The following ME3 variants were observed in gnomAD, a reference collection of about 807,000 sequenced individuals.
The protein encoded by ME3 is NADP-dependent malic enzyme, mitochondrial.
ME3 carries 48 observed loss-of-function variants against 68.9 expected under a neutral mutation model. The observed-to-expected ratio is 0.70, with a 90% CI of 0.55 to 0.89. The LOEUF is 0.89. ME3 is among the 40% of genes least tolerant of loss of function. ME3 has a pLI of 0.00. For missense variants in ME3, 675 were observed against 797.4 expected, an observed-to-expected ratio of 0.85 and a Z score of 1.85; for synonymous variants, 320 against 318.8, an observed-to-expected ratio of 1.00 and a Z score of -0.04.
rs1333670032 is a variant in ME3, at chr11:86,496,587, ATACT to A, written c.705+1372_705+1375del. Among the ~76,000 whole-genome samples, 4 of 152,304 alleles carry A rather than the reference ATACT, an allele frequency of 2.6e-5. No individual in the cohort carries two copies. In the East Asian group the frequency reaches 5.8e-4, roughly 22 times the overall value. ...CAAAATGACCATTCCTTTTGCTTCA[ATACT>A]TACTTCTAGAAATTTATCCTAAGGA... is the stretch of plus-strand genomic sequence containing the variant. On this transcript the variant is annotated intron_variant, in intron 6 of 14. Coordinates refer to ENST00000543262, the Ensembl canonical transcript of ME3.
intron 4 of ME3, among the ~76,000 whole-genome samples, chr11:86,541,557 A>G (rs1341219621): frequency 6.6e-6 from 1 of 152,198 alleles, no homozygotes; most frequent in African/African-American, 2.4e-5. Flanking sequence ...GGAGACCACT[A>G]CAGTACCACA....
chr11:86,633,742 C>T (rs1421584013), intron 2 of ME3, among the ~76,000 whole-genome samples: 1 of 152,224 alleles, frequency 6.6e-6, no homozygotes, highest in Non-Finnish European at 1.5e-5. Context: ...GGAGAGGAGT[C>T]TGTCCATCAG....
intron 6 of ME3, among the ~76,000 whole-genome samples, chr11:86,496,383 G>A (rs896001093): frequency 6.6e-6 from 1 of 150,994 alleles, no homozygotes; most frequent in Non-Finnish European, 1.5e-5. Flanking sequence ...TCCAGCCTGG[G>A]CAACAGAGGG....
chr11:86,473,183 G>A (rs935381328), intron 7 of ME3, among the ~76,000 whole-genome samples: 8 of 138,170 alleles, frequency 5.8e-5, no homozygotes, highest in Non-Finnish European at 1.1e-4. Context: ...AGGATAGCGA[G>A]CAGGTTGGGC....
At chr11:86,508,408 C>T (rs1051827318) in intron 5 of ME3, among the ~76,000 whole-genome samples, 1 of 152,204 alleles carries the variant, frequency 6.6e-6, no homozygotes, top group African/African-American at 2.4e-5. Context: ...GGACAAGTTC[C>T]ACCTTGTTAG....
At chr11:86,490,229 T>C (rs958801462) in intron 6 of ME3, among the ~76,000 whole-genome samples, 2 of 152,216 alleles carry the variant, frequency 1.3e-5, no homozygotes, top group East Asian at 1.9e-4. Context: ...AGATCTGAGC[T>C]GGGTTTAGCA....
At chr11:86,446,624 G>T in intron 12 of ME3, 137 bp from the exon 13 acceptor site, 1 of 812,696 alleles carries the variant, frequency 1.2e-6, no homozygotes, top group Non-Finnish European at 1.9e-6. Flanking sequence ...GAACATGGCA[G>T]GTATTTAAAG....
At chr11:86,619,606 C>T (rs936127245) in intron 2 of ME3, among the ~76,000 whole-genome samples, 24 of 152,072 alleles carry the variant, frequency 1.6e-4, no homozygotes, top group African/African-American at 5.3e-4. Flanking sequence ...AAGGGGAAAC[C>T]CCTTTTGCTT....
intron 2 of ME3, among the ~76,000 whole-genome samples, chr11:86,575,121 G>A (rs1446732919): frequency 2.0e-5 from 3 of 146,982 alleles, no homozygotes; most frequent in Admixed American, 6.7e-5. Context: ...CATATCTCAA[G>A]GTCTTCATAC....
At chr11:86,564,505 T>C (rs1169135392) in intron 2 of ME3, among the ~76,000 whole-genome samples, 1 of 145,412 alleles carries the variant, frequency 6.9e-6, no homozygotes, top group African/African-American at 2.5e-5. Context: ...AGAATAGACA[T>C]ATAGGTAAAT....
chr11:86,671,227 A>G (rs1027766195), intron 2 of ME3, among the ~76,000 whole-genome samples: 9 of 152,354 alleles, frequency 5.9e-5, no homozygotes, highest in Middle Eastern at 3.4e-3. Flanking sequence ...GAAAATTTCT[A>G]TAAGTCTAGA....
rs558080785 is a variant in ME3 at position 86,627,124 on chromosome 11, G to A, written c.183+44638C>T. 2.6e-5 allele frequency among the ~76,000 whole-genome samples: 4 copies of A among 152,354 alleles called. 1 individual carries two copies. Among genetic ancestry groups the A allele is most frequent in the Admixed American group, 6.5e-5 (1 of 15,306 alleles). ...GGTCAGAGCAGACAGAACACAGGCA[G>A]TATGGGGCCAGCCCATGCAAGATGT... On this transcript the variant is annotated intron_variant, in intron 2 of 14. Coordinates refer to ENST00000543262, the Ensembl canonical transcript of ME3.
At chr11:86,545,679 G>T (rs1255404509) in intron 4 of ME3, among the ~76,000 whole-genome samples, 1 of 152,088 alleles carries the variant, frequency 6.6e-6, no homozygotes, top group Non-Finnish European at 1.5e-5. Context: ...ATAAACAAAT[G>T]GAAAAACATT....
intron 2 of ME3, among the ~76,000 whole-genome samples, chr11:86,580,776 G>A (rs1945146): frequency 0.09 from 13,659 of 152,190 alleles, 1,236 homozygotes; most frequent in East Asian, 0.4. Flanking sequence ...CAGTCCATTT[G>A]TGCAAAATAA....
Position 86,576,039 on chromosome 11 carries a change from C to T in ME3, c.184-16216G>A, listed in dbSNP as rs375381862. On this transcript the variant is annotated intron_variant, in intron 2 of 14. Transcript: ENST00000543262. The stretch of plus-strand genomic sequence containing the variant: ...AACTCTTGAACAGAAGTTTGCTCAT[C>T]GACAAAGCTGGAATAATAATCCCTG... Among the ~76,000 whole-genome samples the T allele has an allele frequency of 5.3e-5, 8 of 152,214 alleles. No individual in the cohort carries two copies. The East Asian group carries it at 9.7e-4, about 18-fold the overall frequency.
intron 4 of ME3, among the ~76,000 whole-genome samples, chr11:86,552,821 C>A (rs1487182595): frequency 1.3e-5 from 2 of 152,148 alleles, no homozygotes; most frequent in African/African-American, 2.4e-5. Context: ...GACCCTACAC[C>A]AAAGCTGGGA....
chr11:86,447,116 G>T, exon 12 of ME3: 3 of 1,614,216 alleles, frequency 1.9e-6, no homozygotes, highest in Non-Finnish European at 2.5e-6. Context: ...TGCTGGTGGG[G>T]TTGCTCAGGG....
chr11:86,435,469 T>G, the ME3 span: 1 of 152,360 alleles, frequency 6.6e-6, no homozygotes, highest in East Asian at 1.9e-4. Flanking sequence ...TTACTGATTC[T>G]GGACATGGAC....
At position 86,517,958 on chromosome 11, in the gene ME3, A is replaced by G. The variant is rs113978894; in HGVS notation, c.468-9091T>C. On this transcript the variant is annotated intron_variant, in intron 4 of 14. Coordinates refer to ENST00000543262, the Ensembl canonical transcript of ME3. ...ATAATGTTTACTTCAAAGTATTTCT[A>G]TGAAGATTAAATAAAAGAATATATA... Among the ~76,000 whole-genome samples, 920 of 152,314 alleles carry G rather than the reference A, an allele frequency of 6.0e-3. 6 individuals carry two copies. Among genetic ancestry groups the G allele is most frequent in the African/African-American group, 0.019 (804 of 41,562 alleles).
Sources: gnomAD v4.1 joint callset for allele counts (sites outside exome capture counted in the v4.1 genomes callset) on GRCh38, gnomAD v4.1.1 for gene constraint, MANE v1.5 for transcripts, NCBI Gene and HGNC (gene_info 2026-07-23, HGNC 2026-07-21) for gene names.